TBCA: variants seen among roughly 807,000 people sequenced by gnomAD.
TBCA encodes tubulin-specific chaperone A.
In TBCA, 6 loss-of-function variants were observed where a neutral mutation model predicts 15.8. The ratio of observed to expected loss-of-function variants is 0.38; its 90% confidence interval spans 0.21 to 0.75. TBCA has a LOEUF of 0.75. Among genes scored for constraint, TBCA ranks in the 30% least tolerant of loss-of-function variants. The probability of loss-of-function intolerance (pLI) is 0.46; values close to 1 mark genes in which losing one functional copy is unlikely to be tolerated. For synonymous variants in TBCA, 32 were observed against 42.3 expected, an observed-to-expected ratio of 0.76 and a Z score of 0.94; for missense variants, 90 against 131.2, an observed-to-expected ratio of 0.69 and a Z score of 1.53.
intron 1 of TBCA, among the ~76,000 whole-genome samples, chr5:77,718,808 G>T (rs1052191189): frequency 2.0e-5 from 3 of 152,152 alleles, no homozygotes; most frequent in African/African-American, 4.8e-5. Flanking sequence ...GATGCTGCTT[G>T]TTCTGAATGG....
intron 1 of TBCA, among the ~76,000 whole-genome samples, chr5:77,721,994 C>A (rs1050184579): frequency 1.3e-5 from 2 of 151,948 alleles, no homozygotes; most frequent in African/African-American, 4.8e-5. Flanking sequence ...AAATCTCTAA[C>A]TTTATCTCAC....
chr5:77,697,441 A>C (rs1745897219), intron 2 of TBCA, among the ~76,000 whole-genome samples: 1 of 152,222 alleles, frequency 6.6e-6, no homozygotes, highest in South Asian at 2.1e-4. Flanking sequence ...ACATTATCTG[A>C]CTATAATGAA....
intron 1 of TBCA, among the ~76,000 whole-genome samples, chr5:77,738,255 C>T (rs1746954337): frequency 6.6e-6 from 1 of 152,154 alleles, no homozygotes; most frequent in Admixed American, 6.5e-5. Flanking sequence ...TATTGCAGTG[C>T]TGCTTACTTG....
Position 77,743,850 on chromosome 5 carries a change from A to G in TBCA, c.53+32355T>C, listed in dbSNP as rs1747106467. ...ATTTCACAAAGTTGTGCCAGGTACCATCGTAGGCACTAGGCATATAATGGT... is the reference window on the plus strand; with the variant it reads ...ATTTCACAAAGTTGTGCCAGGTACCGTCGTAGGCACTAGGCATATAATGGT... On this transcript the variant is annotated intron_variant, in intron 1 of 3. Transcript: ENST00000380377. Among the ~76,000 whole-genome samples, 3 of 152,146 alleles carry G rather than the reference A, an allele frequency of 2.0e-5. No homozygotes were observed. The South Asian group carries it at 6.2e-4, about 31-fold the overall frequency.
intron 3 of TBCA, chr5:77,693,017 C>T: frequency 4.9e-6 from 7 of 1,422,218 alleles, no homozygotes; most frequent in Non-Finnish European, 6.4e-6. Context: ...ACTATCATAA[C>T]TTAAATAAAT....
At chr5:77,721,165 T>G (rs1746520939) in intron 1 of TBCA, among the ~76,000 whole-genome samples, 1 of 152,184 alleles carries the variant, frequency 6.6e-6, no homozygotes, top group South Asian at 2.1e-4. Flanking sequence ...TAAGCCCAAT[T>G]TAATGATATT....
chr5:77,701,682 CATATATATATATATATATAT>C (rs58679612), intron 2 of TBCA, among the ~76,000 whole-genome samples: 1,650 of 50,998 alleles, frequency 0.032, 49 homozygotes, highest in Middle Eastern at 0.061. Context: ...CTGTGGCATG[CATATATATATATATATATAT>C]ATATATATAT....
At chr5:77,762,647 G>A (rs1488196538) in intron 1 of TBCA, among the ~76,000 whole-genome samples, 1 of 152,096 alleles carries the variant, frequency 6.6e-6, no homozygotes, top group Non-Finnish European at 1.5e-5. Flanking sequence ...TATTATTATT[G>A]GCATTCTTTG....
chr5:77,698,356 A>AAGAAATTG (rs1425804846), intron 2 of TBCA, among the ~76,000 whole-genome samples: 1 of 152,200 alleles, frequency 6.6e-6, no homozygotes, highest in Non-Finnish European at 1.5e-5. Context: ...AACAACTTAG[A>AAGAAATTG]AGAAATTGAC....
chr5:77,764,959 A>C (rs1224561473), intron 1 of TBCA, among the ~76,000 whole-genome samples: 2 of 152,082 alleles, frequency 1.3e-5, no homozygotes, highest in Admixed American at 6.5e-5. Context: ...AGAAATTAAA[A>C]TAAATTTTTT....
chr5:77,707,319 A>G (rs1410354718), intron 2 of TBCA, among the ~76,000 whole-genome samples: 4 of 152,170 alleles, frequency 2.6e-5, no homozygotes, highest in Admixed American at 6.5e-5. Context: ...GCTGAGAATG[A>G]ATGTTCAATA....
Position 77,703,038 on chromosome 5 carries a change from T to C in TBCA, c.159+5204A>G, listed in dbSNP as rs371744398. Among the ~76,000 whole-genome samples, 8 of 152,198 alleles carry C rather than the reference T, an allele frequency of 5.3e-5. No individual in the cohort carries two copies. In the East Asian group the frequency reaches 5.8e-4, roughly 11 times the overall value. On this transcript the variant is annotated intron_variant, in intron 2 of 3. Coordinates refer to ENST00000380377, the MANE Select transcript of TBCA (RefSeq NM_004607.3). ...TTTAATGAAAAACATTTCCCCTTTA[T>C]TTTTAGGAAAAACATAGAAACATGT...
chr5:77,698,876 A>T (rs748758142), intron 2 of TBCA, among the ~76,000 whole-genome samples: 2 of 152,096 alleles, frequency 1.3e-5, no homozygotes, highest in Non-Finnish European at 2.9e-5. Flanking sequence ...GGTCTGAGAA[A>T]GAAAATGAAT....
intron 1 of TBCA, 113 bp downstream of exon 1, chr5:77,776,092 G>C (rs1214724699): frequency 8.8e-6 from 12 of 1,357,128 alleles, no homozygotes; most frequent in Non-Finnish European, 1.1e-5. Flanking sequence ...CCCGGGTGCG[G>C]CCTGGAGTTC....
chr5:77,755,925 AC>A (rs1310844163), intron 1 of TBCA, among the ~76,000 whole-genome samples: 1 of 152,020 alleles, frequency 6.6e-6, no homozygotes, highest in Non-Finnish European at 1.5e-5. Context: ...GATAGCTCGA[AC>A]CCGGGAGGCG....
intron 2 of TBCA, among the ~76,000 whole-genome samples, chr5:77,706,054 G>A (rs775398580): frequency 3.9e-5 from 6 of 152,106 alleles, no homozygotes; most frequent in African/African-American, 4.8e-5. Flanking sequence ...GGTTGTTTCA[G>A]CTGCTGCTGC....
At chr5:77,701,036 G>T (rs979969956) in intron 2 of TBCA, among the ~76,000 whole-genome samples, 3 of 152,022 alleles carry the variant, frequency 2.0e-5, no homozygotes, top group Admixed American at 2.0e-4. Context: ...GAACCCAAAA[G>T]GAAATGTAAT....
chr5:77,724,020 C>T (rs1344460624), intron 1 of TBCA, among the ~76,000 whole-genome samples: 1 of 151,948 alleles, frequency 6.6e-6, no homozygotes, highest in East Asian at 1.9e-4. Flanking sequence ...ATTTTTAGAT[C>T]AGGTAATAAA....
chr5:77,700,030 C>CAA (rs67790719), intron 2 of TBCA, among the ~76,000 whole-genome samples: 4,069 of 85,662 alleles, frequency 0.048, 192 homozygotes, highest in African/African-American at 0.092. Context: ...GGCTCTGACT[C>CAA]AAAAAAAAAA....
Sources: gnomAD v4.1 joint callset for allele counts (sites outside exome capture counted in the v4.1 genomes callset) on GRCh38, gnomAD v4.1.1 for gene constraint, MANE v1.5 for transcripts, NCBI Gene and HGNC (gene_info 2026-07-23, HGNC 2026-07-21) for gene names.